The following PELP1 variants were observed in gnomAD, a reference collection of about 807,000 sequenced individuals.
PELP1 encodes the protein proline, glutamate and leucine rich protein 1.
Under a neutral mutation model 95.5 loss-of-function variants are expected in PELP1, and 32 were observed. That is an observed-to-expected ratio of 0.34 (90% CI 0.25 to 0.45). PELP1 has a LOEUF of 0.45. PELP1 is among the 20% of genes least tolerant of loss of function. The probability of loss-of-function intolerance (pLI) is 1.00; values close to 1 mark genes in which losing one functional copy is unlikely to be tolerated. For missense variants in PELP1, 1,358 were observed against 1,444.8 expected (o/e 0.94, Z 0.97); for synonymous variants, 668 against 600.1 (o/e 1.11, Z -1.65).
At chr17:4,693,446 A>C (rs1471228300) in intron 1 of PELP1, among the ~76,000 whole-genome samples, 1 of 152,234 alleles carries the variant, frequency 6.6e-6, no homozygotes, top group Non-Finnish European at 1.5e-5. Flanking sequence ...ATACAAGCCT[A>C]TGAAAGATTT....
rs1912370491 is a variant in PELP1, at chr17:4,674,509, CCT to C, written c.1581_1582del (p.Gly528ProfsTer22). Reference sequence around the variant, plus strand: ...TGGTCCAGGGCACAGGCCTCACCCACCTCTGAGTGCAGCCGCACACACGTCGC... The same window carrying C: ...TGGTCCAGGGCACAGGCCTCACCCACCTGAGTGCAGCCGCACACACGTCGC... On this transcript the variant is annotated frameshift_variant and splice_region_variant, in exon 13 of 17. Coordinates refer to ENST00000572293, the MANE Select transcript of PELP1 (RefSeq NM_014389.3). LOFTEE classifies it high-confidence loss of function. 1 of 1,612,026 alleles carries C rather than the reference CCT, an allele frequency of 6.2e-7. No individual in the cohort carries two copies. Among genetic ancestry groups the C allele is most frequent in the African/African-American group, 1.3e-5 (1 of 74,820 alleles).
chr17:4,693,742 T>C (rs1347116423), intron 1 of PELP1, among the ~76,000 whole-genome samples: 1 of 152,186 alleles, frequency 6.6e-6, no homozygotes, highest in Non-Finnish European at 1.5e-5. Flanking sequence ...CGAGAGTCCA[T>C]CACGCTGCTC....
intron 3 of PELP1, among the ~76,000 whole-genome samples, chr17:4,684,084 AC>A (rs1271369724): frequency 1.3e-5 from 2 of 151,996 alleles, no homozygotes; most frequent in Non-Finnish European, 2.9e-5. Flanking sequence ...TGGAGAAAAA[AC>A]AATTTGAATT....
In PELP1 at chr17:4,701,652, TC is replaced by T. The variant is rs1190108583; in HGVS notation, c.249+2210del. 3.9e-5 allele frequency among the ~76,000 whole-genome samples: 6 copies of T among 152,308 alleles called. No homozygotes were observed. In the East Asian group the frequency reaches 1.2e-3, roughly 29 times the overall value. On this transcript the variant is annotated intron_variant, in intron 1 of 16. Coordinates refer to ENST00000572293, the MANE Select transcript of PELP1 (RefSeq NM_014389.3). Reference sequence around the variant, plus strand: ...GGTAGGTGGATGATCAAACAGTGGATCCCCCTTGCTCGCAAGCTCCAGGTCT... The same window carrying T: ...GGTAGGTGGATGATCAAACAGTGGATCCCCTTGCTCGCAAGCTCCAGGTCT...
chr17:4,691,308 G>T, intron 2 of PELP1, 70 bp downstream of exon 2: 1 of 1,092,666 alleles, frequency 9.2e-7, no homozygotes. Flanking sequence ...GACAATGAAA[G>T]CAAAGATGTA....
intron 5 of PELP1, among the ~76,000 whole-genome samples, chr17:4,681,177 A>G (rs964288443): frequency 2.0e-5 from 3 of 152,204 alleles, no homozygotes; most frequent in Admixed American, 6.5e-5. Flanking sequence ...AGAAAATTAC[A>G]AGACCTTCAA....
chr17:4,701,146 C>T (rs1214104026), intron 1 of PELP1, among the ~76,000 whole-genome samples: 1 of 151,760 alleles, frequency 6.6e-6, no homozygotes, highest in Non-Finnish European at 1.5e-5. Flanking sequence ...TTATTAATTA[C>T]ATACAAGAAC....
chr17:4,674,738 T>C lies in PELP1; in HGVS notation c.1423-69A>G, dbSNP rs1169514993. The C allele has an allele frequency of 5.7e-6, 9 of 1,586,804 alleles. No individual in the cohort carries two copies. In the Admixed American group the frequency reaches 7.3e-5, roughly 13 times the overall value. On this transcript the variant is annotated intron_variant, in intron 12 of 16. Coordinates refer to ENST00000572293, the MANE Select transcript of PELP1 (RefSeq NM_014389.3). ...AAGGCAAGACAGCCACAGCAGACAG[T>C]GTTTCCTGAGCAGGCACACTTGGTC...
At chr17:4,691,558 C>T (rs746755118) in intron 1 of PELP1, 116 bp from the exon 2 acceptor site, 20 of 752,206 alleles carry the variant, frequency 2.7e-5, no homozygotes, top group Non-Finnish European at 4.4e-5. Flanking sequence ...CACATCTCCT[C>T]TGAGGCCAAA....
chr17:4,702,587 A>G (rs2150568830), intron 1 of PELP1, among the ~76,000 whole-genome samples: 1 of 152,338 alleles, frequency 6.6e-6, no homozygotes, highest in Admixed American at 6.5e-5. Flanking sequence ...TAGCAGAGAT[A>G]TAGTTTTGTC....
Position 4,672,471 on chromosome 17 carries a change from C to A in PELP1, c.2520G>T (p.Pro840=), listed in dbSNP as rs373154879. The A allele has an allele frequency of 2.1e-6, 3 of 1,455,304 alleles. No homozygotes were observed. The highest frequency in any genetic ancestry group is 1.2e-5 in the South Asian group (1 of 80,704). The allele number at this position is 1,455,304 out of a possible 1,614,324, so 90.1% of individuals were successfully genotyped here. ...CAGGCGGCGGCGGAGGTGGGGGTGG[C>A]GGGAGAGGCCCTGGGGCTGCAGGAA... The part of the protein sequence containing the change: ...EELPAAPGPL[P]PPPPPPPPVP... The change falls in exon 16 of 17, where the codon CCG becomes CCT. Residue 840 remains proline (P), a synonymous_variant. Coordinates refer to ENST00000572293, the MANE Select transcript of PELP1 (RefSeq NM_014389.3).
In PELP1 at chr17:4,672,117, T is replaced by G; in HGVS notation, c.2874A>C (p.Glu958Asp). The change falls in exon 16 of 17, where the codon GAA becomes GAC. Residue 958 changes from glutamate to aspartate, a missense_variant. By Grantham distance (45) the Glu-to-Asp change is conservative. Transcript: ENST00000572293. The stretch of plus-strand genomic sequence containing the variant: ...TGCCAAACTCCAGGTCTTCCACCTC[T>G]TCCAGTTCTTCTTCCTCCTCCTCAT... ...EEDEEEEEEL[E>D]EVEDLEFGTA... 1 of 1,553,218 alleles carries G rather than the reference T, an allele frequency of 6.4e-7. No homozygotes were observed. The highest frequency in any genetic ancestry group is 8.7e-7 in the Non-Finnish European group (1 of 1,147,796).
chr17:4,700,602 G>A (rs1323745672), intron 1 of PELP1, among the ~76,000 whole-genome samples: 2 of 151,980 alleles, frequency 1.3e-5, no homozygotes, highest in Non-Finnish European at 2.9e-5. Context: ...AGAATATACA[G>A]GATAAATGAC....
At chr17:4,691,145 A>C (rs1184354766) in intron 2 of PELP1, 152 bp from the exon 3 acceptor site, 1 of 663,458 alleles carries the variant, frequency 1.5e-6, no homozygotes, top group Non-Finnish European at 2.6e-6. Flanking sequence ...GAGGTGGAAG[A>C]AGCAAAGAAA....
intron 3 of PELP1, among the ~76,000 whole-genome samples, chr17:4,685,607 T>C (rs1347829043): frequency 1.4e-5 from 2 of 138,162 alleles, no homozygotes; most frequent in East Asian, 2.2e-4. Flanking sequence ...CTGGACAATA[T>C]AGCAAGAACC....
intron 1 of PELP1, among the ~76,000 whole-genome samples, chr17:4,693,918 C>A (rs980447170): frequency 2.0e-5 from 3 of 152,048 alleles, no homozygotes. Context: ...AAGTTTTAGC[C>A]GGGCACAATG....
rs1368868348 is a variant in PELP1, at chr17:4,676,609, T to A, written c.703-102A>T. The A allele has an allele frequency of 3.4e-6, 5 of 1,485,646 alleles. No individual in the cohort carries two copies. The East Asian group carries it at 1.1e-4, about 34-fold the overall frequency. 92.0% of individuals were successfully genotyped at this position (1,485,646 alleles called of 1,614,324 possible). ...AAAAGAGATGGAGATCAGAGAGAGCTCTGAGGGAAACCTGAGATGGGACAA... is the reference window on the plus strand; with the variant it reads ...AAAAGAGATGGAGATCAGAGAGAGCACTGAGGGAAACCTGAGATGGGACAA... On this transcript the variant is annotated intron_variant, in intron 6 of 16. Transcript: ENST00000572293.
At chr17:4,683,686 A>G (rs893686214) in intron 3 of PELP1, among the ~76,000 whole-genome samples, 1 of 150,888 alleles carries the variant, frequency 6.6e-6, no homozygotes, top group Non-Finnish European at 1.5e-5. Context: ...ATGGACCATC[A>G]TGCTTGGCTA....
intron 5 of PELP1, 36 bp from the exon 6 acceptor site, chr17:4,676,848 C>A: frequency 6.6e-7 from 1 of 1,504,310 alleles, no homozygotes; most frequent in Non-Finnish European, 9.1e-7. Context: ...GGCCAGTGAG[C>A]CAGCTCTGAG....
Sources: gnomAD v4.1 joint callset for allele counts (sites outside exome capture counted in the v4.1 genomes callset) on GRCh38, gnomAD v4.1.1 for gene constraint, MANE v1.5 for transcripts, NCBI Gene and HGNC (gene_info 2026-07-23, HGNC 2026-07-21) for gene names.